Variants in CD34 observed in about 807,000 individuals in gnomAD.
CD34 encodes the protein CD34 molecule.
A neutral mutation model predicts 40.1 loss-of-function variants in CD34; 34 were observed. The observed-to-expected ratio is 0.85, with a 90% confidence interval of 0.65 to 1.13. CD34 has a LOEUF of 1.13. CD34 is among the 50% of genes most tolerant of loss of function. CD34 has a pLI of 0.00. For synonymous variants in CD34, 209 were observed against 190.0 expected, an observed-to-expected ratio of 1.10 and a Z score of -0.82; for missense variants, 426 against 466.9, an observed-to-expected ratio of 0.91 and a Z score of 0.81.
In CD34 at chr1:207,884,152, C is replaced by T. The variant is rs1348754926; in HGVS notation, c.*3586G>A. On this transcript the variant is annotated 3_prime_UTR_variant, in exon 8 of 8. Transcript: ENST00000310833. ...CATAGGGCTTTGCACTTGTCCTTTC[C>T]CCTGTGTGGGATAATCTCTCCCAGC... 6.6e-6 allele frequency: 1 copy of T among 152,162 alleles called. No individual in the cohort carries two copies. Among genetic ancestry groups the T allele is most frequent in the Non-Finnish European group, 1.5e-5 (1 of 68,034 alleles). 9.4% of individuals were successfully genotyped at this position (152,162 alleles called of 1,614,324 possible). A position where few individuals can be genotyped will look rare whatever the true frequency, so the allele number is the denominator to read the frequency against.
intron 1 of CD34, among the ~76,000 whole-genome samples, chr1:207,906,564 G>C (rs1405184391): frequency 6.6e-6 from 1 of 152,176 alleles, no homozygotes; most frequent in African/African-American, 2.4e-5. Context: ...GCATGTCTTG[G>C]CCAGACACCA....
chr1:207,892,352 C>A (rs1456792330), intron 4 of CD34, among the ~76,000 whole-genome samples: 5 of 152,114 alleles, frequency 3.3e-5, no homozygotes, highest in African/African-American at 1.2e-4. Flanking sequence ...CCGAGATGGA[C>A]AAATCAGATG....
intron 1 of CD34, among the ~76,000 whole-genome samples, chr1:207,906,792 C>G (rs1362968187): frequency 6.6e-6 from 1 of 151,860 alleles, no homozygotes; most frequent in East Asian, 1.9e-4. Context: ...TGCGGTGATC[C>G]GAGATCACAC....
At position 207,886,609 on chromosome 1, in the gene CD34, T is replaced by TTG. The variant is rs1361946494; in HGVS notation, c.*1128_*1129insCA. On this transcript the variant is annotated 3_prime_UTR_variant, in exon 8 of 8. Coordinates refer to ENST00000310833, the MANE Select transcript of CD34 (RefSeq NM_001025109.2). ...GTATTCAGAAAAAATATCTACCCAA[T>TTG]ACTCTCTTCTCTGGAAATTTCTATT... The TTG allele has an allele frequency of 1.3e-5, 2 of 152,624 alleles. No homozygotes were observed. The highest frequency in any genetic ancestry group is 2.9e-5 in the Non-Finnish European group (2 of 68,034). The allele number at this position is 152,624 out of a possible 1,614,324, so 9.5% of individuals were successfully genotyped here.
chr1:207,884,362 C>T lies in CD34; in HGVS notation c.*3376G>A, dbSNP rs1320833760. The T allele has an allele frequency of 1.3e-5, 2 of 152,242 alleles. No individual in the cohort carries two copies. Among genetic ancestry groups the T allele is most frequent in the Non-Finnish European group, 2.9e-5 (2 of 68,056 alleles). The allele number at this position is 152,242 out of a possible 1,614,324, so 9.4% of individuals were successfully genotyped here. On this transcript the variant is annotated 3_prime_UTR_variant, in exon 8 of 8. Transcript: ENST00000310833. ...CTGAGATGACATTGTTTACTGTCCT[C>T]TTCTGCTAGAATTATAAGCTTCATG...
In CD34 at chr1:207,889,598, TC is replaced by T; in HGVS notation, c.620del (p.Gly207GlufsTer32). ...SSCAEFKKDR[G>X]EGLARVLCGE... Reference sequence around the variant, plus strand: ...CACACAGCACTCGGGCCAGGCCCTCTCCCCTGTCCTTCTTAAACTCCGCCTG... The same window carrying T: ...CACACAGCACTCGGGCCAGGCCCTCTCCCTGTCCTTCTTAAACTCCGCCTG... On this transcript the variant is annotated frameshift_variant, in exon 5 of 8. Transcript: ENST00000310833. LOFTEE classifies it high-confidence loss of function. 6.2e-7 allele frequency: 1 copy of T among 1,612,534 alleles called. No individual in the cohort carries two copies.
chr1:207,900,742 G>A (rs1027264349), intron 1 of CD34, among the ~76,000 whole-genome samples: 1 of 152,122 alleles, frequency 6.6e-6, no homozygotes, highest in Non-Finnish European at 1.5e-5. Flanking sequence ...TCAATGTAGT[G>A]GGAAGGTAGA....
rs781011652 is a variant in CD34 at position 207,911,058 on chromosome 1, C to T, written c.23G>A (p.Arg8His). The change falls in exon 1 of 8, where the codon CGC (arginine) becomes CAC (histidine). Residue 8 changes from arginine to histidine, a missense_variant. Arg to His is a conservative substitution (Grantham distance 29). Coordinates refer to ENST00000310833, the MANE Select transcript of CD34 (RefSeq NM_001025109.2). MLVRRGA[R>H]AGPRMPRGWT... ...GCCCCGCGGCATCCTGGGCCCTGCG[C>T]GCGCGCCCCTGCGGACCAGCATCCT... is the stretch of plus-strand genomic sequence containing the variant. The T allele has an allele frequency of 1.9e-6, 3 of 1,590,758 alleles. No individual in the cohort carries two copies. The Admixed American group carries it at 5.2e-5, about 27-fold the overall frequency.
At chr1:207,893,833 AATC>A (rs1455393516) in intron 4 of CD34, among the ~76,000 whole-genome samples, 1 of 152,220 alleles carries the variant, frequency 6.6e-6, no homozygotes, top group Non-Finnish European at 1.5e-5. Context: ...CAACATCACT[AATC>A]ATCAGGGAAA....
At position 207,884,847 on chromosome 1, in the gene CD34, C is replaced by G. The variant is rs1661867564; in HGVS notation, c.*2891G>C. On this transcript the variant is annotated 3_prime_UTR_variant, in exon 8 of 8. Coordinates refer to ENST00000310833, the MANE Select transcript of CD34 (RefSeq NM_001025109.2). ...CCAGGACCTGCTTGGCTGGCCAGGC[C>G]TAGGATAGCTTATGTTGATGAAATG... The G allele has an allele frequency of 6.6e-6, 1 of 152,120 alleles. No homozygotes were observed. Among genetic ancestry groups the G allele is most frequent in the Non-Finnish European group, 1.5e-5 (1 of 68,046 alleles). The allele number at this position is 152,120 out of a possible 1,614,324, so 9.4% of individuals were successfully genotyped here. A position where few individuals can be genotyped will look rare whatever the true frequency, so the allele number is the denominator to read the frequency against.
rs751460088 is a variant in CD34 at position 207,888,650 on chromosome 1, T to C, written c.972+32A>G. 3 of 1,609,692 alleles carry C rather than the reference T, an allele frequency of 1.9e-6. No individual in the cohort carries two copies. In the East Asian group the frequency reaches 6.7e-5, roughly 36 times the overall value. ...ACTCCCCAGAAACCCACTATCTTCCTCATTTCCTTTACCCTGGCCCCCAGA... is the reference window on the plus strand; with the variant it reads ...ACTCCCCAGAAACCCACTATCTTCCCCATTTCCTTTACCCTGGCCCCCAGA... On this transcript the variant is annotated intron_variant, in intron 7 of 7. Coordinates refer to ENST00000310833, the MANE Select transcript of CD34 (RefSeq NM_001025109.2).
chr1:207,891,470 C>T (rs527698257), intron 4 of CD34, among the ~76,000 whole-genome samples: 1 of 151,990 alleles, frequency 6.6e-6, no homozygotes, highest in African/African-American at 2.4e-5. Flanking sequence ...TTACTTCAGC[C>T]CAGGAATTCG....
intron 1 of CD34, among the ~76,000 whole-genome samples, chr1:207,904,394 G>A (rs1405319188): frequency 6.6e-6 from 1 of 152,180 alleles, no homozygotes; most frequent in African/African-American, 2.4e-5. Flanking sequence ...GGGAGCCACA[G>A]ACTGTATCAC....
At chr1:207,907,619 G>T (rs889891642) in intron 1 of CD34, among the ~76,000 whole-genome samples, 20 of 152,258 alleles carry the variant, frequency 1.3e-4, no homozygotes, top group African/African-American at 4.6e-4. Context: ...CATCTGAAGG[G>T]AAGTAACTCA....
At chr1:207,904,287 G>A (rs530739909) in intron 1 of CD34, among the ~76,000 whole-genome samples, 2 of 152,296 alleles carry the variant, frequency 1.3e-5, no homozygotes, top group East Asian at 1.9e-4. Context: ...CCTGGATCAA[G>A]AGGAGTATCT....
intron 1 of CD34, among the ~76,000 whole-genome samples, chr1:207,909,229 C>T (rs1218265558): frequency 2.0e-5 from 3 of 152,110 alleles, no homozygotes. Flanking sequence ...CTCCCCCAAC[C>T]CCAACCTCGG....
intron 1 of CD34, among the ~76,000 whole-genome samples, chr1:207,906,358 C>A (rs1253638504): frequency 1.3e-5 from 2 of 152,206 alleles, no homozygotes; most frequent in East Asian, 3.8e-4. Flanking sequence ...TGCAAACACT[C>A]AGGAGGCATC....
intron 1 of CD34, 41 bp downstream of exon 1, chr1:207,910,961 G>A (rs1170583662): frequency 6.5e-7 from 1 of 1,539,848 alleles, no homozygotes; most frequent in Non-Finnish European, 8.8e-7. Context: ...CACCCTCCCC[G>A]CGGCGAAGCC....
chr1:207,897,500 G>T lies in CD34; in HGVS notation c.590C>A (p.Ser197Tyr). Reference sequence around the variant, plus strand: ...GGTGGGGGGTTGACTTACACAGCTGGAGGTCTTATTTTGCTCCAGGCAGAT... The same window carrying T: ...GGTGGGGGGTTGACTTACACAGCTGTAGGTCTTATTTTGCTCCAGGCAGAT... ...QGICLEQNKT[S>Y]SCAEFKKDRG... Residue 197 changes from serine to tyrosine, a missense_variant, in exon 4 of 8, where the codon TCC (serine) becomes TAC (tyrosine). Physicochemically the swap from Ser to Tyr is moderately radical, Grantham distance 144 (BLOSUM62 -2). Coordinates refer to ENST00000310833, the MANE Select transcript of CD34 (RefSeq NM_001025109.2). The T allele has an allele frequency of 6.4e-7, 1 of 1,557,958 alleles. No homozygotes were observed. Among genetic ancestry groups the T allele is most frequent in the East Asian group, 2.4e-5 (1 of 41,834 alleles).
Sources: gnomAD v4.1 joint callset for allele counts (sites outside exome capture counted in the v4.1 genomes callset) on GRCh38, gnomAD v4.1.1 for gene constraint, MANE v1.5 for transcripts, NCBI Gene and HGNC (gene_info 2026-07-23, HGNC 2026-07-21) for gene names.